DNAH7: variants seen among roughly 807,000 people sequenced by gnomAD.
DNAH7 encodes the protein dynein axonemal heavy chain 7.
A neutral mutation model predicts 444.6 loss-of-function variants in DNAH7; 397 were observed. That is an observed-to-expected ratio of 0.89 (90% confidence interval 0.82 to 0.97). DNAH7 has a LOEUF of 0.97. Ranked by LOEUF, DNAH7 falls within the 50% of genes least tolerant of loss-of-function variation. The pLI is 0.00. For synonymous variants in DNAH7, 1,636 were observed against 1,624.4 expected, an observed-to-expected ratio of 1.01 and a Z score of -0.17; for missense variants, 4,902 against 4,800.8, an observed-to-expected ratio of 1.02 and a Z score of -0.62.
chr2:195,834,135 T>G, intron 48 of DNAH7, 71 bp downstream of exon 48: 1 of 1,453,654 alleles, frequency 6.9e-7, no homozygotes, highest in Non-Finnish European at 9.3e-7. Flanking sequence ...TGAAACAATC[T>G]ATACAGTTTT....
chr2:195,783,246 G>A (rs1201122159), intron 58 of DNAH7, among the ~76,000 whole-genome samples: 1 of 152,018 alleles, frequency 6.6e-6, no homozygotes, highest in Non-Finnish European at 1.5e-5. Context: ...AAATGATTTC[G>A]TTTAGACTCT....
intron 59 of DNAH7, among the ~76,000 whole-genome samples, chr2:195,776,489 A>T (rs1695069222): frequency 6.6e-6 from 1 of 152,140 alleles, no homozygotes; most frequent in Non-Finnish European, 1.5e-5. Flanking sequence ...TTACAGAGAA[A>T]AAGAAAATGT....
chr2:196,062,357 T>C (rs994960243), intron 1 of DNAH7, among the ~76,000 whole-genome samples: 1 of 152,168 alleles, frequency 6.6e-6, no homozygotes, highest in African/African-American at 2.4e-5. Flanking sequence ...ATAATCCCAT[T>C]GGAATTCAAC....
At chr2:195,806,630 C>T (rs571571699) in intron 54 of DNAH7, 110 bp downstream of exon 54, 15 of 778,786 alleles carry the variant, frequency 1.9e-5, no homozygotes, top group Admixed American at 9.6e-5. Flanking sequence ...GATTATTTCC[C>T]GCAGGCTCCT....
At chr2:195,756,715 C>T (rs902345094) in intron 61 of DNAH7, among the ~76,000 whole-genome samples, 1 of 152,026 alleles carries the variant, frequency 6.6e-6, no homozygotes, top group African/African-American at 2.4e-5. Context: ...TATAGGAAGC[C>T]AGGCAAGGTG....
At chr2:195,920,010 T>C (rs1292326755) in intron 24 of DNAH7, among the ~76,000 whole-genome samples, 2 of 152,156 alleles carry the variant, frequency 1.3e-5, no homozygotes, top group African/African-American at 4.8e-5. Context: ...AGCATGGGAC[T>C]GGATGAGAAC....
intron 25 of DNAH7, among the ~76,000 whole-genome samples, chr2:195,908,246 C>CAAAT (rs2125297379): frequency 6.6e-6 from 1 of 151,664 alleles, no homozygotes; most frequent in Admixed American, 6.6e-5. Flanking sequence ...TTTATTTGTA[C>CAAAT]AAATTTATGG....
At chr2:196,052,607 A>G (rs7596532) in intron 2 of DNAH7, among the ~76,000 whole-genome samples, 111,139 of 152,150 alleles carry the variant, frequency 0.73, 40,750 homozygotes, top group East Asian at 0.9. Flanking sequence ...TACCACTTTT[A>G]TGCCTATTAC....
At chr2:195,792,990 G>C (rs143231485) in intron 57 of DNAH7, among the ~76,000 whole-genome samples, 1,581 of 152,172 alleles carry the variant, frequency 0.01, 34 homozygotes, top group East Asian at 0.068. Context: ...AGTGCAGTGG[G>C]ATGATCATGG....
intron 7 of DNAH7, among the ~76,000 whole-genome samples, chr2:196,025,778 A>G (rs1695646492): frequency 6.6e-6 from 1 of 152,058 alleles, no homozygotes; most frequent in Non-Finnish European, 1.5e-5. Flanking sequence ...TTTTATTTTT[A>G]TATCACCAGG....
chr2:195,940,624 T>C (rs1216040271), intron 19 of DNAH7, among the ~76,000 whole-genome samples: 3 of 151,512 alleles, frequency 2.0e-5, no homozygotes, highest in Admixed American at 6.6e-5. Context: ...TTGCAATCTA[T>C]CCATCTGACA....
intron 31 of DNAH7, among the ~76,000 whole-genome samples, chr2:195,889,761 G>C (rs1701911353): frequency 6.6e-6 from 1 of 152,082 alleles, no homozygotes. Flanking sequence ...AATTACCATT[G>C]TGTGCTAAAG....
Position 196,068,768 on chromosome 2 carries a change from C to T in DNAH7, c.-57G>A, listed in dbSNP as rs572718043. The T allele has an allele frequency of 1.9e-6, 3 of 1,546,120 alleles. No individual in the cohort carries two copies. Among genetic ancestry groups the T allele is most frequent in the African/African-American group, 2.7e-5 (2 of 73,024 alleles). The stretch of plus-strand genomic sequence containing the variant: ...TTCTGGGTTGCTCCTGCCCGCGGAA[C>T]CCCTAGGACGATAGAGGCAGGGCCC... On this transcript the variant is annotated 5_prime_UTR_variant, in exon 1 of 65. Transcript: ENST00000312428.
intron 25 of DNAH7, 143 bp downstream of exon 25, chr2:195,909,884 T>C: frequency 1.2e-6 from 1 of 832,914 alleles, no homozygotes; most frequent in East Asian, 2.8e-5. Context: ...TTATTTCCTT[T>C]AAGAATTATT....
chr2:195,775,767 G>C, intron 60 of DNAH7, 79 bp downstream of exon 60: 1 of 1,449,824 alleles, frequency 6.9e-7, no homozygotes, highest in South Asian at 1.5e-5. Flanking sequence ...GTGTAAGGAA[G>C]CCTGTTCAGT....
rs550924063 is a variant in DNAH7, at chr2:195,934,584, C to A, written c.3471+7G>T. On this transcript the variant is annotated splice_region_variant and intron_variant, in intron 21 of 64. Coordinates refer to ENST00000312428, the MANE Select transcript of DNAH7 (RefSeq NM_018897.3). ...CTTTTCTAAAAATCATCAGTATAAT[C>A]AGCTACCTTGTGGATGGAGTTAATC... is the stretch of plus-strand genomic sequence containing the variant. 3.7e-6 allele frequency: 6 copies of A among 1,613,384 alleles called. No homozygotes were observed. The highest frequency in any genetic ancestry group is 1.3e-5 in the African/African-American group (1 of 74,994).
intron 58 of DNAH7, among the ~76,000 whole-genome samples, chr2:195,786,141 T>C (rs186152021): frequency 6.6e-6 from 1 of 152,336 alleles, no homozygotes; most frequent in Admixed American, 6.5e-5. Context: ...ATTTATTTTG[T>C]TCAGTTTCTT....
chr2:195,887,583 C>T (rs768370298), intron 33 of DNAH7, among the ~76,000 whole-genome samples: 1 of 152,280 alleles, frequency 6.6e-6, no homozygotes, highest in Admixed American at 6.5e-5. Context: ...TAAACTTCTG[C>T]CTCAAGATTT....
chr2:195,741,950 T>C (rs962675813), intron 63 of DNAH7, among the ~76,000 whole-genome samples: 2 of 152,198 alleles, frequency 1.3e-5, no homozygotes, highest in African/African-American at 4.8e-5. Flanking sequence ...TAAATTTAAA[T>C]GGCCACATGT....
Sources: gnomAD v4.1 joint callset for allele counts (sites outside exome capture counted in the v4.1 genomes callset) on GRCh38, gnomAD v4.1.1 for gene constraint, MANE v1.5 for transcripts, NCBI Gene and HGNC (gene_info 2026-07-23, HGNC 2026-07-21) for gene names.